Variants in MRPS2 observed in about 807,000 individuals in gnomAD.
MRPS2 encodes small ribosomal subunit protein uS2m.
MRPS2 carries 13 observed loss-of-function variants against 18.9 expected under a neutral mutation model. That is an observed-to-expected ratio of 0.69 (90% confidence interval 0.45 to 1.09). MRPS2 has a LOEUF of 1.09. MRPS2 is among the 50% of genes least tolerant of loss of function. MRPS2 has a pLI of 0.00. For missense variants in MRPS2, 389 were observed against 421.7 expected, an observed-to-expected ratio of 0.92 and a Z score of 0.68; for synonymous variants, 186 against 178.4, an observed-to-expected ratio of 1.04 and a Z score of -0.34.
At chr9:135,500,973 A>G in intron 1 of MRPS2, 25 bp from the exon 2 acceptor site, 1 of 1,610,796 alleles carries the variant, frequency 6.2e-7, no homozygotes. Flanking sequence ...ACTCGGCGCC[A>G]GGACCTCTAT....
chr9:135,503,154 A>C (rs905154578), intron 3 of MRPS2: 2 of 1,067,828 alleles, frequency 1.9e-6, no homozygotes, highest in East Asian at 1.6e-4. Context: ...GCTAAGTCCA[A>C]CCCCAGAGGG....
intron 3 of MRPS2, among the ~76,000 whole-genome samples, chr9:135,502,431 G>A (rs1198355338): frequency 1.3e-5 from 2 of 152,196 alleles, no homozygotes; most frequent in Non-Finnish European, 2.9e-5. Context: ...TGAAGGTGGC[G>A]GGGCTTAAAT....
intron 3 of MRPS2, 146 bp downstream of exon 3, chr9:135,502,119 A>G (rs1052308983): frequency 8.9e-6 from 13 of 1,458,068 alleles, no homozygotes; most frequent in Non-Finnish European, 1.1e-5. Context: ...ACAGAGCCCC[A>G]CAGAGAAGCA....
upstream of MRPS2, chr9:135,500,650 G>T: frequency 7.2e-7 from 1 of 1,398,240 alleles, no homozygotes; most frequent in Non-Finnish European, 9.2e-7. Flanking sequence ...GGATGGCGAC[G>T]GAAGGGGAGG....
intron 1 of MRPS2, 76 bp downstream of exon 1, chr9:135,500,829 G>A: frequency 2.7e-6 from 4 of 1,486,370 alleles, no homozygotes; most frequent in South Asian, 1.3e-5. Context: ...CCGATGGAGC[G>A]GCGGGGACGT....
At chr9:135,499,977 G>A (rs905091460), upstream of MRPS2, 5 of 1,150,364 alleles carry the variant, frequency 4.3e-6, no homozygotes, top group African/African-American at 8.0e-5. Context: ...TCTGCGGGTG[G>A]GTCCGGAACC....
rs1015417207 is a variant in MRPS2, at chr9:135,501,294, G to A, written c.169+171G>A. The A allele has an allele frequency of 1.3e-5, 19 of 1,422,426 alleles. 1 individual carries two copies. The East Asian group carries it at 4.2e-4, about 31-fold the overall frequency. 88.1% of individuals were successfully genotyped at this position (1,422,426 alleles called of 1,614,324 possible). On this transcript the variant is annotated intron_variant, in intron 2 of 3. Coordinates refer to ENST00000241600, the MANE Select transcript of MRPS2 (RefSeq NM_016034.5). ...GCTCGGTCCTGCCTGACGTAGCACA[G>A]CGGGCTGAGGCCACCGCCTCACCAT...
At position 135,500,717 on chromosome 9, in the gene MRPS2, A is replaced by G; in HGVS notation, c.7A>G (p.Thr3Ala). The G allele has an allele frequency of 2.7e-6, 4 of 1,479,458 alleles. No homozygotes were observed. The highest frequency in any genetic ancestry group is 3.6e-6 in the Non-Finnish European group (4 of 1,121,106). 91.6% of individuals were successfully genotyped at this position (1,479,458 alleles called of 1,614,324 possible). ...TCTGCCCCGCGTCCCAGCCATGGCG[A>G]CATCCTCGGCCGCGCTGCCCCGAAT... is the stretch of plus-strand genomic sequence containing the variant. The part of the protein sequence containing the change: MA[T>A]SSAALPRILG... Residue 3 changes from threonine to alanine, a missense_variant, in exon 1 of 4, where the codon ACA becomes GCA. Thr to Ala is a moderately conservative substitution (Grantham distance 58). Transcript: ENST00000241600.
chr9:135,504,126 C>A lies in MRPS2; in HGVS notation c.884C>A (p.Ser295Tyr). ...AHPPGADMSH[S>Y]L ...CCTCCTGGGGCTGACATGAGCCATT[C>A]CCTGTGATGTTCACTCTCCTCCCAA... The change falls in exon 4 of 4, where the codon TCC becomes TAC. Residue 295 changes from serine to tyrosine, a missense_variant. Ser to Tyr is a moderately radical substitution (Grantham distance 144). Coordinates refer to ENST00000241600, the MANE Select transcript of MRPS2 (RefSeq NM_016034.5). This position sits in a 1 kb window ranked among gnomAD's most constrained non-coding sequence, Gnocchi z 4.3. 1 of 1,598,038 alleles carries A rather than the reference C, an allele frequency of 6.3e-7. No homozygotes were observed. The highest frequency in any genetic ancestry group is 8.5e-7 in the Non-Finnish European group (1 of 1,174,644).
At chr9:135,500,618 A>G (rs531020313), upstream of MRPS2, 75 of 1,321,578 alleles carry the variant, frequency 5.7e-5, 2 homozygotes, top group South Asian at 1.1e-3. Flanking sequence ...CCGGGCCTGT[A>G]GGCGGCACTG....
rs1227295549 is a variant in MRPS2, at chr9:135,504,193, C to T, written c.*60C>T. On this transcript the variant is annotated 3_prime_UTR_variant, in exon 4 of 4. Transcript: ENST00000241600. This position sits in a 1 kb window ranked among gnomAD's most constrained non-coding sequence, Gnocchi z 4.3. Reference sequence around the variant, plus strand: ...GCCTGTCTGAGCTGGGAGTCCCCTTCCCCAGCCCTGGGTCAGCGGCATCCT... The same window carrying T: ...GCCTGTCTGAGCTGGGAGTCCCCTTTCCCAGCCCTGGGTCAGCGGCATCCT... 2 of 1,421,954 alleles carry T rather than the reference C, an allele frequency of 1.4e-6. No homozygotes were observed. Among genetic ancestry groups the T allele is most frequent in the Admixed American group, 2.3e-5 (1 of 42,612 alleles). 88.1% of individuals were successfully genotyped at this position (1,421,954 alleles called of 1,614,324 possible). A position where few individuals can be genotyped will look rare whatever the true frequency, so the allele number is the denominator to read the frequency against.
rs1831096411 is a variant in MRPS2 at position 135,500,875 on chromosome 9, G to T, written c.43+122G>T. 3 of 1,538,458 alleles carry T rather than the reference G, an allele frequency of 1.9e-6. No homozygotes were observed. The African/African-American group carries it at 4.1e-5, about 21-fold the overall frequency. On this transcript the variant is annotated intron_variant, in intron 1 of 3. Transcript: ENST00000241600. The stretch of plus-strand genomic sequence containing the variant: ...CGGGGCGAGCGCGGAGGGGACTCGG[G>T]GAGGGCGCGGGGACGCGGAGGGGAC...
Position 135,501,966 on chromosome 9 carries a change from C to T in MRPS2, c.292C>T (p.Arg98Trp), listed in dbSNP as rs781602564. Residue 98 changes from arginine to tryptophan, a missense_variant, in exon 3 of 4, where the codon CGG becomes TGG. Arg to Trp is a moderately radical substitution (Grantham distance 101, BLOSUM62 -3). Transcript: ENST00000241600. ...RVHLGHKAGC[R>W]HRFMEPYIFG... ...CCATCTGGGACACAAAGCTGGCTGT[C>T]GGCACAGGTAGGTGACACCCCCATC... 2 of 1,613,454 alleles carry T rather than the reference C, an allele frequency of 1.2e-6. No individual in the cohort carries two copies. Among genetic ancestry groups the T allele is most frequent in the East Asian group, 2.2e-5 (1 of 44,888 alleles).
At position 135,500,756 on chromosome 9, in the gene MRPS2, G is replaced by A; in HGVS notation, c.43+3G>A. On this transcript the variant is annotated splice_donor_region_variant and intron_variant, in intron 1 of 3. Coordinates refer to ENST00000241600, the MANE Select transcript of MRPS2 (RefSeq NM_016034.5). ...GCTGCCCCGAATACTCGGCGCGGGTGAGCGCGCGCTTGCGGGACCCTGGGG... is the reference window on the plus strand; with the variant it reads ...GCTGCCCCGAATACTCGGCGCGGGTAAGCGCGCGCTTGCGGGACCCTGGGG... 1 of 1,478,738 alleles carries A rather than the reference G, an allele frequency of 6.8e-7. No homozygotes were observed. The highest frequency in any genetic ancestry group is 8.9e-7 in the Non-Finnish European group (1 of 1,121,484). The allele number at this position is 1,478,738 out of a possible 1,614,324, so 91.6% of individuals were successfully genotyped here.
chr9:135,500,030 G>C (rs1772468831), upstream of MRPS2: 2 of 693,944 alleles, frequency 2.9e-6, no homozygotes, highest in East Asian at 3.3e-5. Context: ...GGGACGGCGA[G>C]AGATTCCCTG....
chr9:135,503,022 C>T, intron 3 of MRPS2: 2 of 846,184 alleles, frequency 2.4e-6, no homozygotes, highest in African/African-American at 1.8e-5. Context: ...GCGGGGGTGT[C>T]TCCCATGCCC....
chr9:135,502,791 G>A (rs886900530), intron 3 of MRPS2, among the ~76,000 whole-genome samples: 2 of 152,186 alleles, frequency 1.3e-5, no homozygotes, highest in African/African-American at 4.8e-5. Context: ...TCCAGTGTTT[G>A]GAGTCAGTGA....
In MRPS2 at chr9:135,504,428, C is replaced by T; in HGVS notation, c.*295C>T. On this transcript the variant is annotated 3_prime_UTR_variant, in exon 4 of 4. Transcript: ENST00000241600. The surrounding 1 kb of genome is among the most constrained non-coding windows in gnomAD (Gnocchi z 4.3). ...CCAAGCTGCTAGAAGATGCTGCTGT[C>T]CCTGTGATCCCAGCAGCCCTCCCTT... 2.2e-6 allele frequency: 1 copy of T among 444,556 alleles called. No individual in the cohort carries two copies. The highest frequency in any genetic ancestry group is 2.0e-5 in the African/African-American group (1 of 50,326). 27.5% of individuals were successfully genotyped at this position (444,556 alleles called of 1,614,324 possible). A position where few individuals can be genotyped will look rare whatever the true frequency, so the allele number is the denominator to read the frequency against.
In MRPS2 at chr9:135,504,476, C is replaced by T. The variant is rs56361957; in HGVS notation, c.*343C>T. On this transcript the variant is annotated 3_prime_UTR_variant, in exon 4 of 4. Transcript: ENST00000241600. This position sits in a 1 kb window ranked among gnomAD's most constrained non-coding sequence, Gnocchi z 4.3. Reference sequence around the variant, plus strand: ...CTTCACCGTGACCCCTGACCTTTGTCAGGAAGGTGCAGTTTTTCTTCTCAA... The same window carrying T: ...CTTCACCGTGACCCCTGACCTTTGTTAGGAAGGTGCAGTTTTTCTTCTCAA... 5.1e-3 allele frequency: 1,390 copies of T among 272,102 alleles called. 5 individuals carry two copies. Among genetic ancestry groups the T allele is most frequent in the Non-Finnish European group, 6.7e-3 (965 of 144,878 alleles). 16.9% of individuals were successfully genotyped at this position (272,102 alleles called of 1,614,324 possible).
Sources: gnomAD v4.1 joint callset for allele counts (sites outside exome capture counted in the v4.1 genomes callset) on GRCh38, gnomAD v4.1.1 for gene constraint, Gnocchi (gnomAD v3.1) non-coding constraint, MANE v1.5 for transcripts, NCBI Gene and HGNC (gene_info 2026-07-23, HGNC 2026-07-21) for gene names.